The following RETREG1 variants were observed in gnomAD, a reference collection of about 807,000 sequenced individuals.
RETREG1 encodes family with sequence similarity 134 member B.
In RETREG1, 44 loss-of-function variants were observed where a neutral mutation model predicts 54.8. That is an observed-to-expected ratio of 0.80 (90% confidence interval 0.63 to 1.03). The LOEUF (loss-of-function observed/expected upper bound fraction) is 1.03, where lower values mean the gene tolerates loss of function less well. Ranked by LOEUF, RETREG1 falls within the 50% of genes least tolerant of loss-of-function variation. The pLI, the probability that RETREG1 is intolerant of heterozygous loss-of-function variation, is 0.00. For synonymous variants in RETREG1, 217 were observed against 238.5 expected (o/e 0.91, Z 0.83); for missense variants, 554 against 605.1 (o/e 0.92, Z 0.89).
At chr5:16,580,639 G>C (rs1240932031) in intron 1 of RETREG1, among the ~76,000 whole-genome samples, 1 of 152,178 alleles carries the variant, frequency 6.6e-6, no homozygotes, top group Non-Finnish European at 1.5e-5. Context: ...CACACAGGCT[G>C]TCAGAGGGCT....
In RETREG1 at chr5:16,610,944, GAC is replaced by G. The variant is rs542220618; in HGVS notation, c.320+5706_320+5707del. 2.6e-5 allele frequency among the ~76,000 whole-genome samples: 4 copies of G among 152,250 alleles called. No individual in the cohort carries two copies. In the South Asian group the frequency reaches 8.3e-4, roughly 32 times the overall value. On this transcript the variant is annotated intron_variant, in intron 1 of 8. Coordinates refer to ENST00000306320, the MANE Select transcript of RETREG1 (RefSeq NM_001034850.3). ...GGACTATAAATCATGCTGCTATAAA[GAC>G]ACATGCACACATATGTTTATTGCGG...
intron 1 of RETREG1, among the ~76,000 whole-genome samples, chr5:16,584,816 C>G (rs1259827067): frequency 6.6e-6 from 1 of 152,176 alleles, no homozygotes; most frequent in African/African-American, 2.4e-5. Flanking sequence ...ATTTTCAGAG[C>G]TGTTTAAAAC....
intron 3 of RETREG1, chr5:16,509,251 AG>A (rs1740091992): frequency 6.5e-6 from 1 of 154,634 alleles, no homozygotes; most frequent in Admixed American, 6.5e-5. Context: ...TTACTCAAAA[AG>A]GTTTAAAACA....
At chr5:16,582,662 G>A (rs1350668292) in intron 1 of RETREG1, among the ~76,000 whole-genome samples, 12 of 145,294 alleles carry the variant, frequency 8.3e-5, no homozygotes, top group Admixed American at 6.8e-5. Context: ...AATAAAATAA[G>A]AAAAAAAAAA....
At chr5:16,538,981 A>C (rs1741158935) in intron 3 of RETREG1, among the ~76,000 whole-genome samples, 1 of 152,140 alleles carries the variant, frequency 6.6e-6, no homozygotes, top group South Asian at 2.1e-4. Context: ...TGGGATAAAC[A>C]CATTCTTATT....
At chr5:16,528,183 T>G (rs139506690) in intron 3 of RETREG1, among the ~76,000 whole-genome samples, 1 of 152,240 alleles carries the variant, frequency 6.6e-6, no homozygotes, top group East Asian at 1.9e-4. Flanking sequence ...ATGTGTTAGA[T>G]TCAAAAAGTG....
chr5:16,527,800 A>ATTTTGTTTTTTTTTTTTTTTTTT (rs1740761612), intron 3 of RETREG1, among the ~76,000 whole-genome samples: 1 of 66,250 alleles, frequency 1.5e-5, no homozygotes, highest in Non-Finnish European at 2.7e-5. Context: ...AGGGACTCTA[A>ATTTTGTTTTTTTTTTTTTTTTTT]TTTTTTTTTT....
At chr5:16,566,455 A>G (rs79539316) in intron 2 of RETREG1, among the ~76,000 whole-genome samples, 1 of 152,196 alleles carries the variant, frequency 6.6e-6, no homozygotes, top group Admixed American at 6.5e-5. Context: ...ATTTGACTAC[A>G]TCTTGATATT....
At chr5:16,480,244 C>A (rs1738709008) in intron 5 of RETREG1, among the ~76,000 whole-genome samples, 1 of 151,962 alleles carries the variant, frequency 6.6e-6, no homozygotes, top group Non-Finnish European at 1.5e-5. Flanking sequence ...TGGAATCACA[C>A]TTTTTCATCT....
At chr5:16,478,817 A>G in intron 6 of RETREG1, 33 bp downstream of exon 6, 1 of 1,599,094 alleles carries the variant, frequency 6.3e-7, no homozygotes, top group South Asian at 1.1e-5. Context: ...GTCTCATTTC[A>G]TGCATAGAAT....
At chr5:16,553,228 T>A (rs1305185601) in intron 3 of RETREG1, among the ~76,000 whole-genome samples, 4 of 152,152 alleles carry the variant, frequency 2.6e-5, no homozygotes, top group African/African-American at 9.7e-5. Flanking sequence ...GATAAATAAG[T>A]TGTGATATAG....
chr5:16,582,387 TCTC>T (rs1196248612), intron 1 of RETREG1, among the ~76,000 whole-genome samples: 4 of 143,054 alleles, frequency 2.8e-5, no homozygotes, highest in South Asian at 2.1e-4. Context: ...ATTTTTTATT[TCTC>T]CTATTTTTTT....
At chr5:16,496,573 T>A (rs1739467123) in intron 3 of RETREG1, among the ~76,000 whole-genome samples, 1 of 152,138 alleles carries the variant, frequency 6.6e-6, no homozygotes, top group Non-Finnish European at 1.5e-5. Context: ...GGAAACATAG[T>A]TCAATTGCTG....
intron 3 of RETREG1, among the ~76,000 whole-genome samples, chr5:16,538,242 A>C (rs1028741490): frequency 2.0e-5 from 3 of 152,152 alleles, no homozygotes; most frequent in Non-Finnish European, 2.9e-5. Flanking sequence ...ATCAGGGGGA[A>C]AAATGAAGAG....
chr5:16,494,434 G>A (rs901373522), intron 3 of RETREG1, among the ~76,000 whole-genome samples: 6 of 152,124 alleles, frequency 3.9e-5, no homozygotes, highest in East Asian at 1.9e-4. Flanking sequence ...TGGTTGAATC[G>A]GGGGCAGACT....
intron 1 of RETREG1, among the ~76,000 whole-genome samples, chr5:16,599,936 G>A (rs1371861418): frequency 3.9e-5 from 6 of 152,194 alleles, no homozygotes; most frequent in African/African-American, 1.4e-4. Flanking sequence ...GGGTGCAAGG[G>A]TAAGGCCCCC....
intron 1 of RETREG1, among the ~76,000 whole-genome samples, chr5:16,611,943 T>C (rs946626302): frequency 3.3e-5 from 5 of 151,866 alleles, no homozygotes; most frequent in Admixed American, 1.3e-4. Context: ...CATGTGCCTG[T>C]AGTCCCAGCT....
chr5:16,576,196 A>G (rs1374363952), intron 1 of RETREG1, among the ~76,000 whole-genome samples: 1 of 152,002 alleles, frequency 6.6e-6, no homozygotes, highest in Admixed American at 6.6e-5. Flanking sequence ...CACTAAGCTC[A>G]TCCTTCCCCC....
chr5:16,512,724 A>G (rs1396992898), intron 3 of RETREG1, among the ~76,000 whole-genome samples: 1 of 152,134 alleles, frequency 6.6e-6, no homozygotes, highest in East Asian at 1.9e-4. Flanking sequence ...TGCCAGCGTG[A>G]AGACAGGTTG....
Sources: allele counts gnomAD v4.1 joint callset (sites outside exome capture counted in the v4.1 genomes callset), GRCh38; gene constraint gnomAD v4.1.1; transcripts MANE v1.5; gene names NCBI Gene and HGNC (gene_info 2026-07-23, HGNC 2026-07-21).